The following TMC1 variants were observed in gnomAD, a reference collection of about 807,000 sequenced individuals.
TMC1 encodes the protein transmembrane channel-like protein 1.
TMC1 carries 84 observed loss-of-function variants against 105.8 expected under a neutral mutation model. The ratio of observed to expected loss-of-function variants is 0.79; its 90% CI spans 0.67 to 0.95. TMC1 has a LOEUF of 0.95. TMC1 is among the 40% of genes least tolerant of loss of function. The pLI, the probability that TMC1 is intolerant of heterozygous loss-of-function variation, is 0.00. For synonymous variants in TMC1, 315 were observed against 311.5 expected, an observed-to-expected ratio of 1.01 and a Z score of -0.12; for missense variants, 817 against 914.1, an observed-to-expected ratio of 0.89 and a Z score of 1.37.
intron 10 of TMC1, among the ~76,000 whole-genome samples, chr9:72,746,152 G>T (rs188797324): frequency 7.6e-4 from 116 of 152,222 alleles, no homozygotes; most frequent in Non-Finnish European, 1.2e-3. Flanking sequence ...GGATATAAAT[G>T]CTTTTCTCTT....
At chr9:72,824,940 C>A (rs1384723175) in intron 20 of TMC1, among the ~76,000 whole-genome samples, 1 of 152,232 alleles carries the variant, frequency 6.6e-6, no homozygotes, top group Non-Finnish European at 1.5e-5. Flanking sequence ...TGGCTGCCTC[C>A]TGTTGCTATC....
chr9:72,685,095 T>A (rs1199296115), intron 5 of TMC1, among the ~76,000 whole-genome samples: 2 of 140,716 alleles, frequency 1.4e-5, no homozygotes, highest in Non-Finnish European at 3.0e-5. Flanking sequence ...TGTTATAAAG[T>A]CATTCTTTTT....
At chr9:72,689,404 G>C (rs994961322) in intron 6 of TMC1, among the ~76,000 whole-genome samples, 1 of 152,090 alleles carries the variant, frequency 6.6e-6, no homozygotes, top group Non-Finnish European at 1.5e-5. Context: ...TGAGAAGAAT[G>C]TTTATTCTGT....
chr9:72,772,533 AG>A lies in TMC1; in HGVS notation c.863del (p.Ser288ThrfsTer9), dbSNP rs1827946607. 1.9e-6 allele frequency: 3 copies of A among 1,613,764 alleles called. No homozygotes were observed. The highest frequency in any genetic ancestry group is 2.5e-6 in the Non-Finnish European group (3 of 1,179,810). On this transcript the variant is annotated frameshift_variant, in exon 13 of 24. Coordinates refer to ENST00000297784, the MANE Select transcript of TMC1 (RefSeq NM_138691.3). LOFTEE classifies it high-confidence loss of function. The stretch of plus-strand genomic sequence containing the variant: ...AGTGGGGATTATGTGCATTGGATAC[AG>A]CTTTCTGGTTGTCCTCAAAGCGTAA... ...FLVGIMCIGY[S>X]FLVVLKAMTK...
At chr9:72,578,060 T>C (rs1433669925) in intron 2 of TMC1, 37 bp downstream of exon 2, 1 of 152,088 alleles carries the variant, frequency 6.6e-6, no homozygotes, top group Non-Finnish European at 1.5e-5. Context: ...TTTGTATTTT[T>C]AGTAGAGGCA....
chr9:72,533,129 C>T (rs886080569), intron 1 of TMC1, among the ~76,000 whole-genome samples: 1 of 152,208 alleles, frequency 6.6e-6, no homozygotes. Flanking sequence ...AGGGGAAATA[C>T]TTGTGAGACA....
chr9:72,522,929 C>A (rs1296029549), intron 1 of TMC1, among the ~76,000 whole-genome samples: 1 of 152,158 alleles, frequency 6.6e-6, no homozygotes. Flanking sequence ...GGATGTTTAG[C>A]AGCATCCTTG....
chr9:72,665,160 G>A (rs1826023052), intron 5 of TMC1, among the ~76,000 whole-genome samples: 1 of 152,170 alleles, frequency 6.6e-6, no homozygotes, highest in South Asian at 2.1e-4. Flanking sequence ...TACCACCTTT[G>A]TGTATGTGGT....
chr9:72,722,035 A>G (rs1292119811), intron 8 of TMC1, among the ~76,000 whole-genome samples: 2 of 152,198 alleles, frequency 1.3e-5, no homozygotes, highest in African/African-American at 4.8e-5. Context: ...GATGACCATG[A>G]GGTTTTGGAG....
chr9:72,748,593 CT>C (rs1266129204), intron 10 of TMC1, among the ~76,000 whole-genome samples: 1 of 152,024 alleles, frequency 6.6e-6, no homozygotes, highest in Non-Finnish European at 1.5e-5. Context: ...AATTGCTATT[CT>C]TTTCATTTAT....
chr9:72,767,967 C>G (rs1013309659), intron 12 of TMC1, among the ~76,000 whole-genome samples: 1 of 152,130 alleles, frequency 6.6e-6, no homozygotes, highest in Non-Finnish European at 1.5e-5. Context: ...CTAAGCCCTT[C>G]AAGTTGTATT....
At chr9:72,639,202 G>A (rs1464724489) in intron 4 of TMC1, among the ~76,000 whole-genome samples, 2 of 152,096 alleles carry the variant, frequency 1.3e-5, no homozygotes, top group Admixed American at 6.5e-5. Context: ...GCCGAGAAGC[G>A]ATGCTGGTGA....
intron 2 of TMC1, among the ~76,000 whole-genome samples, chr9:72,585,289 C>G (rs953193772): frequency 6.7e-6 from 1 of 150,072 alleles, no homozygotes; most frequent in African/African-American, 2.5e-5. Flanking sequence ...TAGCTGGGAC[C>G]ACAGGTGCCT....
chr9:72,737,013 T>C (rs546195950), intron 8 of TMC1, among the ~76,000 whole-genome samples: 91 of 152,290 alleles, frequency 6.0e-4, no homozygotes, highest in African/African-American at 2.1e-3. Context: ...CCTGTGGAAG[T>C]TGGCCTTCAA....
At chr9:72,740,243 T>C (rs1564524316) in intron 9 of TMC1, 34 bp downstream of exon 9, 1 of 1,573,756 alleles carries the variant, frequency 6.4e-7, no homozygotes, top group East Asian at 2.2e-5. Flanking sequence ...GTTTATGGCA[T>C]ATTGCCTCTA....
At chr9:72,768,410 A>G (rs956052827) in intron 12 of TMC1, among the ~76,000 whole-genome samples, 2 of 152,176 alleles carry the variant, frequency 1.3e-5, no homozygotes, top group Admixed American at 6.5e-5. Context: ...ACCATGGCAT[A>G]TGTATACCTA....
At chr9:72,617,059 A>G (rs919448709) in intron 3 of TMC1, among the ~76,000 whole-genome samples, 1 of 152,102 alleles carries the variant, frequency 6.6e-6, no homozygotes, top group African/African-American at 2.4e-5. Context: ...AATTAGACAG[A>G]GATATATAGG....
chr9:72,653,789 A>G (rs537182596), intron 5 of TMC1, among the ~76,000 whole-genome samples: 3 of 152,206 alleles, frequency 2.0e-5, no homozygotes, highest in Admixed American at 6.5e-5. Flanking sequence ...CCCACCACCC[A>G]TATACTCTAC....
chr9:72,529,532 G>A (rs961908738), intron 1 of TMC1, among the ~76,000 whole-genome samples: 8 of 152,102 alleles, frequency 5.3e-5, no homozygotes, highest in Non-Finnish European at 1.0e-4. Flanking sequence ...ATACATATGT[G>A]TTTAGGAAAT....
Sources: allele counts gnomAD v4.1 joint callset (sites outside exome capture counted in the v4.1 genomes callset), GRCh38; gene constraint gnomAD v4.1.1; transcripts MANE v1.5; gene names NCBI Gene and HGNC (gene_info 2026-07-23, HGNC 2026-07-21).